Variants in UBE2W observed in about 807,000 individuals in gnomAD.
UBE2W encodes ubiquitin conjugating enzyme E2 W.
UBE2W carries 18 observed loss-of-function variants against 27.2 expected under a neutral mutation model. The ratio of observed to expected loss-of-function variants is 0.66; its 90% confidence interval spans 0.46 to 0.98. The LOEUF (loss-of-function observed/expected upper bound fraction) is 0.98, where lower values mean the gene tolerates loss of function less well. Among genes scored for constraint, UBE2W ranks in the 50% least tolerant of loss-of-function variants. The pLI is 0.00. For synonymous variants in UBE2W, 53 were observed against 57.2 expected (o/e 0.93, Z 0.33); for missense variants, 90 against 180.2 (o/e 0.50, Z 2.87).
At chr8:73,819,193 A>G (rs796626173) in intron 3 of UBE2W, among the ~76,000 whole-genome samples, 24 of 152,140 alleles carry the variant, frequency 1.6e-4, no homozygotes, top group African/African-American at 5.8e-4. Context: ...ACTCTATCCA[A>G]TATTTCAACA....
At chr8:73,834,868 G>A (rs1243050782) in intron 1 of UBE2W, among the ~76,000 whole-genome samples, 1 of 152,082 alleles carries the variant, frequency 6.6e-6, no homozygotes. Flanking sequence ...TAGATCACGC[G>A]AATGCACTGC....
At chr8:73,877,348 G>T (rs1812276193) in intron 1 of UBE2W, among the ~76,000 whole-genome samples, 1 of 152,092 alleles carries the variant, frequency 6.6e-6, no homozygotes, top group Non-Finnish European at 1.5e-5. Flanking sequence ...AATTGTTCCT[G>T]TTTTTTCCCT....
chr8:73,839,347 T>TAA (rs34467910), intron 1 of UBE2W, among the ~76,000 whole-genome samples: 7,341 of 131,650 alleles, frequency 0.056, 251 homozygotes, highest in Non-Finnish European at 0.074. Context: ...TGCTCCTAGT[T>TAA]AAAAAAAAAA....
At chr8:73,800,632 A>G (rs1194002938) in intron 5 of UBE2W, among the ~76,000 whole-genome samples, 1 of 152,188 alleles carries the variant, frequency 6.6e-6, no homozygotes, top group African/African-American at 2.4e-5. Flanking sequence ...TGAACTTCAG[A>G]CTATTTTATA....
intron 1 of UBE2W, among the ~76,000 whole-genome samples, chr8:73,843,636 T>C (rs1398237302): frequency 1.3e-5 from 2 of 151,546 alleles, no homozygotes; most frequent in Non-Finnish European, 2.9e-5. Context: ...CCCTGTCTCT[T>C]TAAAAGAAAA....
intron 3 of UBE2W, among the ~76,000 whole-genome samples, chr8:73,814,002 G>C (rs1809283388): frequency 6.6e-6 from 1 of 152,040 alleles, no homozygotes; most frequent in African/African-American, 2.4e-5. Context: ...CAAAGTGCTG[G>C]GGTTACAGGC....
intron 1 of UBE2W, among the ~76,000 whole-genome samples, chr8:73,854,753 C>T (rs573895764): frequency 3.9e-5 from 6 of 152,216 alleles, no homozygotes; most frequent in East Asian, 3.9e-4. Flanking sequence ...CCCAAGCAGT[C>T]GAAAACCCAC....
chr8:73,807,828 C>A (rs1316298523), intron 4 of UBE2W, among the ~76,000 whole-genome samples: 1 of 152,134 alleles, frequency 6.6e-6, no homozygotes. Flanking sequence ...GACAAATGAT[C>A]AGGGAGATAC....
At chr8:73,817,080 C>T (rs1176442188) in intron 3 of UBE2W, among the ~76,000 whole-genome samples, 1 of 151,162 alleles carries the variant, frequency 6.6e-6, no homozygotes, top group African/African-American at 2.4e-5. Flanking sequence ...AATCCCAGAA[C>T]TCTGGGAGGC....
intron 5 of UBE2W, among the ~76,000 whole-genome samples, chr8:73,800,336 G>A (rs1388724045): frequency 6.6e-6 from 1 of 151,968 alleles, no homozygotes; most frequent in African/African-American, 2.4e-5. Context: ...ATGGTGGAGG[G>A]GAATGATTCA....
Position 73,788,877 on chromosome 8 carries a change from T to C in UBE2W, c.*5225A>G. 1.0e-6 allele frequency: 1 copy of C among 985,276 alleles called. No homozygotes were observed. Among genetic ancestry groups the C allele is most frequent in the African/African-American group, 1.7e-5 (1 of 57,292 alleles). 61.0% of individuals were successfully genotyped at this position (985,276 alleles called of 1,614,324 possible). Reference sequence around the variant, plus strand: ...CTCACTCACCATATTAAAACTGGAGTTCTTGAGGTATGTTAAGATAGATCA... The same window carrying C: ...CTCACTCACCATATTAAAACTGGAGCTCTTGAGGTATGTTAAGATAGATCA... On this transcript the variant is annotated 3_prime_UTR_variant, in exon 6 of 6. Coordinates refer to ENST00000602593, the MANE Select transcript of UBE2W (RefSeq NM_018299.6).
At chr8:73,830,520 G>C in intron 1 of UBE2W, 48 bp from the exon 2 acceptor site, 2 of 1,489,708 alleles carry the variant, frequency 1.3e-6, no homozygotes, top group African/African-American at 1.4e-5. Flanking sequence ...GACTAGGTCT[G>C]GGTCACCCAG....
rs140560538 is a variant in UBE2W at position 73,794,310 on chromosome 8, G to C, written c.443-195C>G. Among the ~76,000 whole-genome samples, 28 of 152,238 alleles carry C rather than the reference G, an allele frequency of 1.8e-4. No individual in the cohort carries two copies. The East Asian group carries it at 5.2e-3, about 28-fold the overall frequency. On this transcript the variant is annotated intron_variant, in intron 5 of 5. Transcript: ENST00000602593. ...ACAGTGACAAATTTTTATTCTTTCAGAGAAATAGTTCACATAAACCTTAAA... is the reference window on the plus strand; with the variant it reads ...ACAGTGACAAATTTTTATTCTTTCACAGAAATAGTTCACATAAACCTTAAA...
At chr8:73,819,985 C>T (rs974159389) in intron 3 of UBE2W, among the ~76,000 whole-genome samples, 1 of 151,990 alleles carries the variant, frequency 6.6e-6, no homozygotes, top group Non-Finnish European at 1.5e-5. Context: ...ACTTTTCTTT[C>T]TTTTTTTTAT....
intron 3 of UBE2W, among the ~76,000 whole-genome samples, chr8:73,814,494 A>C (rs945341314): frequency 2.0e-5 from 3 of 152,210 alleles, no homozygotes; most frequent in Admixed American, 6.5e-5. Flanking sequence ...CCGAATGTAC[A>C]TGAATCAAGT....
At chr8:73,877,125 C>T (rs1399369794) in intron 1 of UBE2W, among the ~76,000 whole-genome samples, 2 of 152,092 alleles carry the variant, frequency 1.3e-5, no homozygotes, top group East Asian at 3.9e-4. Context: ...TAATGTTTAG[C>T]CTCAAATAAT....
intron 5 of UBE2W, among the ~76,000 whole-genome samples, chr8:73,803,080 G>A (rs1410068117): frequency 3.3e-5 from 5 of 150,092 alleles, no homozygotes; most frequent in Non-Finnish European, 7.4e-5. Context: ...AGCTGGGCAT[G>A]GTGGCGCGCC....
intron 1 of UBE2W, among the ~76,000 whole-genome samples, chr8:73,857,806 A>T (rs540900144): frequency 2.0e-4 from 31 of 151,654 alleles, no homozygotes; most frequent in Non-Finnish European, 2.5e-4. Context: ...ACAGAGTGAG[A>T]CTCCCCGTCT....
intron 3 of UBE2W, 145 bp downstream of exon 3, chr8:73,825,002 T>C (rs1809776613): frequency 1.0e-5 from 6 of 587,088 alleles, no homozygotes; most frequent in Non-Finnish European, 1.2e-5. Context: ...AATGTTCATA[T>C]CTTGATTATA....
Sources: allele counts gnomAD v4.1 joint callset (sites outside exome capture counted in the v4.1 genomes callset), GRCh38; gene constraint gnomAD v4.1.1; transcripts MANE v1.5; gene names NCBI Gene and HGNC (gene_info 2026-07-23, HGNC 2026-07-21).